KIAA1549L: variants seen among roughly 807,000 people sequenced by gnomAD.
The protein encoded by KIAA1549L is UPF0606 protein KIAA1549L.
Under a neutral mutation model 160.7 loss-of-function variants are expected in KIAA1549L, and 88 were observed. The observed-to-expected ratio is 0.55, with a 90% CI of 0.46 to 0.65. The LOEUF is 0.65. Among genes scored for constraint, KIAA1549L ranks in the 30% least tolerant of loss-of-function variants. KIAA1549L has a pLI of 0.00. For missense variants in KIAA1549L, 2,258 were observed against 2,437.5 expected, an observed-to-expected ratio of 0.93 and a Z score of 1.55; for synonymous variants, 950 against 976.7, an observed-to-expected ratio of 0.97 and a Z score of 0.51.
In KIAA1549L at chr11:33,440,735, C is replaced by T. The variant is rs35233733; in HGVS notation, c.238+63846C>T. On this transcript the variant is annotated intron_variant, in intron 1 of 20. Coordinates refer to ENST00000658780, the MANE Select transcript of KIAA1549L (RefSeq NM_012194.3). Reference sequence around the variant, plus strand: ...AGTTTTCCTTGCTTACATATTCCTTCGGGCATCTCAGACCTTCTTTTCTGA... The same window carrying T: ...AGTTTTCCTTGCTTACATATTCCTTTGGGCATCTCAGACCTTCTTTTCTGA... Among the ~76,000 whole-genome samples the T allele has an allele frequency of 8.4e-3, 1,283 of 152,252 alleles. 18 individuals are homozygous for T. The highest frequency in any genetic ancestry group is 0.029 in the African/African-American group (1,210 of 41,552).
chr11:33,453,130 A>G (rs1299978470), intron 1 of KIAA1549L, among the ~76,000 whole-genome samples: 1 of 152,248 alleles, frequency 6.6e-6, no homozygotes, highest in Non-Finnish European at 1.5e-5. Flanking sequence ...TTCAGGCCAA[A>G]GCTGGATCCC....
chr11:33,632,112 C>G (rs2133377773), intron 16 of KIAA1549L, among the ~76,000 whole-genome samples: 1 of 152,318 alleles, frequency 6.6e-6, no homozygotes, highest in Middle Eastern at 3.4e-3. Flanking sequence ...GAAACTCCAA[C>G]TTAAACGATC....
In KIAA1549L at chr11:33,551,070, A is replaced by G. The variant is rs1228282458; in HGVS notation, c.3532A>G (p.Thr1178Ala). 3 of 1,613,930 alleles carry G rather than the reference A, an allele frequency of 1.9e-6. No homozygotes were observed. In the South Asian group the frequency reaches 3.3e-5, roughly 18 times the overall value. Residue 1178 changes from threonine to alanine, a missense_variant, in exon 5 of 21, where the codon ACA becomes GCA. Thr to Ala is a moderately conservative substitution (Grantham distance 58, BLOSUM62 0). This residue lies in a region of KIAA1549L where 1,359 missense variants were observed against 1,546.6 expected (regional missense o/e 0.88). Transcript: ENST00000658780. ...CATTCTGGAATATTCTCATAATGTC[A>G]CAGTTGGTTATTATGCTACCAAAGG... is the stretch of plus-strand genomic sequence containing the variant. ...VDILEYSHNV[T>A]VGYYATKGKL...
intron 10 of KIAA1549L, among the ~76,000 whole-genome samples, chr11:33,580,840 C>A (rs1276453335): frequency 6.6e-6 from 1 of 152,054 alleles, no homozygotes; most frequent in African/African-American, 2.4e-5. Context: ...CTAATTAGTG[C>A]TATGGAGAAA....
chr11:33,446,209 C>T (rs1379560199), intron 1 of KIAA1549L, among the ~76,000 whole-genome samples: 1 of 151,906 alleles, frequency 6.6e-6, no homozygotes, highest in African/African-American at 2.4e-5. Context: ...ATTATCCTGC[C>T]TCAGCCTCCA....
chr11:33,628,495 A>T (rs1361239777), intron 16 of KIAA1549L, among the ~76,000 whole-genome samples: 1 of 150,348 alleles, frequency 6.7e-6, no homozygotes, highest in South Asian at 2.1e-4. Context: ...TATATTTAGG[A>T]TAGTTAGCTC....
intron 1 of KIAA1549L, among the ~76,000 whole-genome samples, chr11:33,538,368 A>G (rs1432329867): frequency 2.0e-5 from 3 of 152,208 alleles, no homozygotes; most frequent in Non-Finnish European, 2.9e-5. Context: ...ACCACCAGGG[A>G]TCTCCTCACT....
At chr11:33,461,424 A>G (rs2132999672) in intron 1 of KIAA1549L, among the ~76,000 whole-genome samples, 1 of 152,222 alleles carries the variant, frequency 6.6e-6, no homozygotes, top group African/African-American at 2.4e-5. Flanking sequence ...GATTCGAGAA[A>G]ATGCCTGACT....
Position 33,658,880 on chromosome 11 carries a change from T to G in KIAA1549L, c.5989T>G (p.Ser1997Ala). Residue 1997 changes from serine to alanine, a missense_variant, in exon 19 of 21, where the codon TCG becomes GCG. Coordinates refer to ENST00000658780, the MANE Select transcript of KIAA1549L (RefSeq NM_012194.3). ...TGTGTCCGTGACGCAGTTGGATCAGTCGGCTTTAAATTACTCAGGTGGGCA... is the reference window on the plus strand; with the variant it reads ...TGTGTCCGTGACGCAGTTGGATCAGGCGGCTTTAAATTACTCAGGTGGGCA... ...GPVSVTQLDQ[S>A]ALNYSGNTVP... The G allele has an allele frequency of 6.4e-7, 1 of 1,557,804 alleles. No homozygotes were observed. The highest frequency in any genetic ancestry group is 8.7e-7 in the Non-Finnish European group (1 of 1,150,758).
chr11:33,665,413 G>C (rs893977194), intron 20 of KIAA1549L: 3 of 152,008 alleles, frequency 2.0e-5, no homozygotes, highest in Non-Finnish European at 4.4e-5. Context: ...AGGCCCTGGA[G>C]AGCGTGGCTC....
Position 33,551,278 on chromosome 11 carries a change from A to T in KIAA1549L, c.3721+19A>T, listed in dbSNP as rs377528876. On this transcript the variant is annotated intron_variant, in intron 5 of 20. Transcript: ENST00000658780. Reference sequence around the variant, plus strand: ...AAAACAGGCAAGTGACTCGGAAGGAAGGGATTTTCATCCATTCTTGGGTTC... The same window carrying T: ...AAAACAGGCAAGTGACTCGGAAGGATGGGATTTTCATCCATTCTTGGGTTC... 3 of 1,602,572 alleles carry T rather than the reference A, an allele frequency of 1.9e-6. No homozygotes were observed. Among genetic ancestry groups the T allele is most frequent in the Non-Finnish European group, 2.6e-6 (3 of 1,172,712 alleles).
intron 1 of KIAA1549L, among the ~76,000 whole-genome samples, chr11:33,503,590 G>C (rs1446180351): frequency 6.6e-6 from 1 of 152,164 alleles, no homozygotes; most frequent in Non-Finnish European, 1.5e-5. Context: ...TTTTAAATAA[G>C]TGAGATAGTA....
At chr11:33,379,999 A>G (rs1226127783) in intron 1 of KIAA1549L, among the ~76,000 whole-genome samples, 3 of 152,166 alleles carry the variant, frequency 2.0e-5, no homozygotes, top group Non-Finnish European at 4.4e-5. Context: ...GGAATAGTTA[A>G]TTCTGGGGGC....
At position 33,667,983 on chromosome 11, in the gene KIAA1549L, G is replaced by A. The variant is rs61741852; in HGVS notation, c.6270G>A (p.Leu2090=). The change falls in exon 21 of 21, where the codon CTG becomes CTA. Residue 2090 remains leucine (L), a synonymous_variant. Transcript: ENST00000658780. The part of the protein sequence containing the change: ...YSQPANLHPS[L]EQAPAPSTAA... ...AGCCAGCCAACCTGCACCCCAGCCTGGAGCAGGCCCCGGCGCCCTCCACAG... is the reference window on the plus strand; with the variant it reads ...AGCCAGCCAACCTGCACCCCAGCCTAGAGCAGGCCCCGGCGCCCTCCACAG... 4,940 of 1,613,928 alleles carry A rather than the reference G, an allele frequency of 3.1e-3. 110 individuals are homozygous for A. In the African/African-American group the frequency reaches 0.057, roughly 19 times the overall value.
chr11:33,386,539 T>G (rs1850176896), intron 1 of KIAA1549L, among the ~76,000 whole-genome samples: 1 of 151,732 alleles, frequency 6.6e-6, no homozygotes, highest in African/African-American at 2.4e-5. Context: ...AAAAATTAGC[T>G]GGGTATGGTG....
At chr11:33,651,937 T>C (rs1245181897) in intron 17 of KIAA1549L, among the ~76,000 whole-genome samples, 1 of 119,080 alleles carries the variant, frequency 8.4e-6, no homozygotes, top group African/African-American at 3.2e-5. Context: ...CTCCCTTCCT[T>C]CCTTCGTTCC....
At chr11:33,385,549 A>G (rs532731652) in intron 1 of KIAA1549L, among the ~76,000 whole-genome samples, 1 of 152,330 alleles carries the variant, frequency 6.6e-6, no homozygotes, top group Admixed American at 6.5e-5. Flanking sequence ...TCACTGCTTT[A>G]GTTCTGTAGT....
chr11:33,524,937 T>C (rs1193998488), intron 1 of KIAA1549L, among the ~76,000 whole-genome samples: 2 of 152,178 alleles, frequency 1.3e-5, no homozygotes, highest in African/African-American at 4.8e-5. Flanking sequence ...ATGGATTGCC[T>C]AGGTACTCAT....
intron 1 of KIAA1549L, among the ~76,000 whole-genome samples, chr11:33,463,218 A>G (rs900035891): frequency 6.6e-6 from 1 of 152,180 alleles, no homozygotes; most frequent in East Asian, 1.9e-4. Flanking sequence ...GCAGTACCAT[A>G]TACACGTCAC....
Sources: gnomAD v4.1 joint callset for allele counts (sites outside exome capture counted in the v4.1 genomes callset) on GRCh38, gnomAD v4.1.1 for gene constraint, gnomAD v4.1.1 regional missense constraint, MANE v1.5 for transcripts, NCBI Gene and HGNC (gene_info 2026-07-23, HGNC 2026-07-21) for gene names.